The following PAH variants were observed in gnomAD, a reference collection of about 807,000 sequenced individuals.
PAH encodes the protein phenylalanine-4-hydroxylase.
In PAH, 64 loss-of-function variants were observed where a neutral mutation model predicts 62.0. The observed-to-expected ratio is 1.03, with a 90% CI of 0.84 to 1.27. PAH has a LOEUF of 1.27. Ranked by LOEUF, PAH falls within the 50% of genes most tolerant of loss-of-function variation. The pLI is 0.00. For synonymous variants in PAH, 195 were observed against 196.2 expected, an observed-to-expected ratio of 0.99 and a Z score of 0.05; for missense variants, 579 against 542.8, an observed-to-expected ratio of 1.07 and a Z score of -0.66.
At chr12:102,904,906 C>G (rs897941486) in intron 2 of PAH, among the ~76,000 whole-genome samples, 2 of 152,188 alleles carry the variant, frequency 1.3e-5, no homozygotes, top group Non-Finnish European at 2.9e-5. Flanking sequence ...TGCCATTTTT[C>G]TGTAAGTATT....
intron 1 of PAH, among the ~76,000 whole-genome samples, chr12:102,938,587 G>A (rs1342629612): frequency 6.6e-6 from 1 of 152,142 alleles, no homozygotes; most frequent in Non-Finnish European, 1.5e-5. Flanking sequence ...CCCCAGAACA[G>A]CCACCCTACT....
chr12:102,886,160 C>G (rs1203394709), intron 3 of PAH: 1 of 152,210 alleles, frequency 6.6e-6, no homozygotes, highest in Non-Finnish European at 1.5e-5. Context: ...GCTGATGATG[C>G]CCAGCTATTA....
chr12:102,842,439 T>G (rs1486548950), intron 11 of PAH, among the ~76,000 whole-genome samples: 1 of 152,148 alleles, frequency 6.6e-6, no homozygotes, highest in Non-Finnish European at 1.5e-5. Flanking sequence ...AGACATAAAT[T>G]AAGGAATATC....
intron 1 of PAH, among the ~76,000 whole-genome samples, chr12:102,924,766 T>C (rs746144137): frequency 2.6e-5 from 4 of 152,168 alleles, no homozygotes; most frequent in Non-Finnish European, 4.4e-5. Context: ...TGAAACTGTA[T>C]GCTCAGCATA....
At chr12:102,910,996 C>T (rs984984109) in intron 2 of PAH, among the ~76,000 whole-genome samples, 1 of 152,194 alleles carries the variant, frequency 6.6e-6, no homozygotes, top group Non-Finnish European at 1.5e-5. Flanking sequence ...GATTTGGCTT[C>T]AGGCAAGCTT....
upstream of PAH, among the ~76,000 whole-genome samples, chr12:102,918,712 A>C (rs1331825480): frequency 6.6e-6 from 1 of 152,114 alleles, no homozygotes; most frequent in Non-Finnish European, 1.5e-5. Flanking sequence ...GTCCAAAAGG[A>C]ACCTTTAGGG....
intron 5 of PAH, among the ~76,000 whole-genome samples, chr12:102,858,703 G>C (rs1315862673): frequency 6.6e-6 from 1 of 152,126 alleles, no homozygotes; most frequent in African/African-American, 2.4e-5. Flanking sequence ...GGAAACTGAA[G>C]AACCTGCTCC....
chr12:102,855,316 G>T lies in PAH; in HGVS notation c.526C>A (p.Arg176=). 1.2e-6 allele frequency: 2 copies of T among 1,614,008 alleles called. No individual in the cohort carries two copies. The highest frequency in any genetic ancestry group is 1.7e-6 in the Non-Finnish European group (2 of 1,180,002). The part of the protein sequence containing the change: ...YNYRHGQPIP[R]VEYMEEEKKT... ...TTTTCTTCCTCCATGTATTCCACTC[G>T]AGGGATGGGCTGCCCACTAGAATAC... The change falls in exon 6 of 13, where the codon CGA becomes AGA. Residue 176 remains arginine, a synonymous_variant. Transcript: ENST00000553106.
intron 1 of PAH, chr12:102,914,576 G>A (rs1408720833): frequency 6.6e-6 from 1 of 152,224 alleles, no homozygotes; most frequent in Non-Finnish European, 1.5e-5. Context: ...AACCCTGCCA[G>A]AGAGGTACAG....
intron 1 of PAH, among the ~76,000 whole-genome samples, chr12:102,931,873 A>G (rs1878889731): frequency 6.6e-6 from 1 of 152,188 alleles, no homozygotes. Context: ...ATGCAGTAAT[A>G]TTTATTGAGC....
At chr12:102,940,709 G>A (rs1221072374) in intron 1 of PAH, among the ~76,000 whole-genome samples, 1 of 152,194 alleles carries the variant, frequency 6.6e-6, no homozygotes, top group African/African-American at 2.4e-5. Context: ...TGGCATCCCT[G>A]AAAGACAGGA....
chr12:102,909,586 C>T (rs192865513), intron 2 of PAH, among the ~76,000 whole-genome samples: 82 of 152,250 alleles, frequency 5.4e-4, no homozygotes, highest in African/African-American at 1.9e-3. Context: ...TTATTTGGAA[C>T]TCTAAATAGG....
At chr12:102,845,527 A>G (rs928722133) in intron 9 of PAH, among the ~76,000 whole-genome samples, 6 of 152,234 alleles carry the variant, frequency 3.9e-5, no homozygotes, top group African/African-American at 7.2e-5. Context: ...TTTTCTTTCA[A>G]TAACTGACAG....
intron 4 of PAH, 58 bp from the exon 5 acceptor site, chr12:102,866,721 T>C: frequency 7.4e-7 from 1 of 1,347,934 alleles, no homozygotes; most frequent in Non-Finnish European, 1.1e-6. Flanking sequence ...TCTGGTACCT[T>C]TATGAATGCT....
intron 1 of PAH, among the ~76,000 whole-genome samples, chr12:102,924,820 G>A (rs1878643161): frequency 6.6e-6 from 1 of 152,132 alleles, no homozygotes; most frequent in Non-Finnish European, 1.5e-5. Context: ...GGGGGACAAG[G>A]AGAATCAATG....
At chr12:102,941,193 A>G (rs1593002499) in intron 1 of PAH, among the ~76,000 whole-genome samples, 1 of 152,336 alleles carries the variant, frequency 6.6e-6, no homozygotes, top group South Asian at 2.1e-4. Flanking sequence ...GGAAACAAAA[A>G]ACCATTACTG....
intron 6 of PAH, among the ~76,000 whole-genome samples, chr12:102,853,742 A>G (rs1192458738): frequency 6.6e-6 from 1 of 152,194 alleles, no homozygotes; most frequent in Admixed American, 6.5e-5. Flanking sequence ...TTTGGAGGAT[A>G]AGGATAGTGA....
chr12:102,910,456 C>T (rs1175185681), intron 2 of PAH, among the ~76,000 whole-genome samples: 1 of 151,722 alleles, frequency 6.6e-6, no homozygotes, highest in Admixed American at 6.6e-5. Context: ...CTGCAAGCTC[C>T]GCCTCCAGGG....
upstream of PAH, among the ~76,000 whole-genome samples, chr12:102,954,788 A>G (rs1879864723): frequency 6.6e-6 from 1 of 152,224 alleles, no homozygotes; most frequent in Admixed American, 6.5e-5. Flanking sequence ...GCCAATATCA[A>G]TGGAAAACTC....
Sources: allele counts gnomAD v4.1 joint callset (sites outside exome capture counted in the v4.1 genomes callset), GRCh38; gene constraint gnomAD v4.1.1; transcripts MANE v1.5; gene names NCBI Gene and HGNC (gene_info 2026-07-23, HGNC 2026-07-21).